The following PLXNB2 variants were observed in gnomAD, a reference collection of about 807,000 sequenced individuals.
The protein encoded by PLXNB2 is plexin-B2.
In PLXNB2, 85 loss-of-function variants were observed where a neutral mutation model predicts 202.6. That is an observed-to-expected ratio of 0.42 (90% CI 0.35 to 0.50). The LOEUF is 0.50. PLXNB2 is among the 20% of genes least tolerant of loss of function. The pLI, the probability that PLXNB2 is intolerant of heterozygous loss-of-function variation, is 0.02. For synonymous variants in PLXNB2, 1,239 were observed against 1,137.6 expected (o/e 1.09, Z -1.79); for missense variants, 2,063 against 2,586.2 (o/e 0.80, Z 4.39).
chr22:50,287,411 G>A, intron 7 of PLXNB2, 147 bp from the exon 8 acceptor site: 1 of 987,658 alleles, frequency 1.0e-6, no homozygotes, highest in Non-Finnish European at 1.4e-6. Flanking sequence ...AGGCCTCTCT[G>A]TGGTCACCCC....
chr22:50,287,295 G>A, intron 7 of PLXNB2, 31 bp from the exon 8 acceptor site: 1 of 1,458,858 alleles, frequency 6.9e-7, no homozygotes, highest in Non-Finnish European at 9.1e-7. Flanking sequence ...CTCACACTGG[G>A]AACCCCGAGT....
At chr22:50,305,081 G>A (rs62241212) in intron 1 of PLXNB2, among the ~76,000 whole-genome samples, 64,450 of 152,126 alleles carry the variant, frequency 0.42, 13,893 homozygotes, top group South Asian at 0.63. Context: ...CTAGCTCAGA[G>A]AAGGCACAAT....
At position 50,289,816 on chromosome 22, in the gene PLXNB2, A is replaced by G; in HGVS notation, c.769T>C (p.Tyr257His). The change falls in exon 3 of 37, where the codon TAC becomes CAC. Residue 257 changes from tyrosine to histidine, a missense_variant. Around this residue, in one of 2 missense-constraint regions of PLXNB2, gnomAD observed 1,303 missense variants for 1,476.8 expected, o/e 0.88. Transcript: ENST00000359337. The surrounding 1 kb of genome is among the most constrained non-coding windows in gnomAD (Gnocchi z 8.0). ...ARMCREDPNY[Y>H]SYLEMDLQCR... ...TGCAGGTCCATCTCCAGGTAGGAGT[A>G]GTAGTTGGGGTCTTCTCTGCACATG... 3 of 1,613,244 alleles carry G rather than the reference A, an allele frequency of 1.9e-6. No individual in the cohort carries two copies. The South Asian group carries it at 3.3e-5, about 18-fold the overall frequency.
In PLXNB2 at chr22:50,282,247, G is replaced by T. The variant is rs201715045; in HGVS notation, c.3054C>A (p.Val1018=). The change falls in exon 19 of 37, where the codon GTC becomes GTA. Residue 1018 remains valine, a synonymous_variant. Transcript: ENST00000359337. The part of the protein sequence containing the change: ...FSLIQRFAMV[V]IAEPLQSWQP... The stretch of plus-strand genomic sequence containing the variant: ...GCCAGGACTGCAGGGGCTCCGCGAT[G>T]ACCACCATGGCAAACCTCTGGATCA... 4.8e-5 allele frequency: 78 copies of T among 1,612,262 alleles called. No individual in the cohort carries two copies. Among genetic ancestry groups the T allele is most frequent in the Non-Finnish European group, 6.5e-5 (77 of 1,179,834 alleles).
chr22:50,286,330 G>T, intron 8 of PLXNB2, 43 bp from the exon 9 acceptor site: 1 of 1,454,140 alleles, frequency 6.9e-7, no homozygotes, highest in Non-Finnish European at 9.6e-7. Context: ...GCGGCCGCAG[G>T]GCCGAGGGCC....
chr22:50,304,631 C>T lies in PLXNB2; in HGVS notation c.-74+2922G>A, dbSNP rs1168989899. Among the ~76,000 whole-genome samples, 6 of 152,184 alleles carry T rather than the reference C, an allele frequency of 3.9e-5. No homozygotes were observed. In the East Asian group the frequency reaches 9.6e-4, roughly 24 times the overall value. ...AGGGAAGCTAGGGCAGCTGCCTCCCCGGGGCCCCAGAGCCTGAGCACCCCC... is the reference window on the plus strand; with the variant it reads ...AGGGAAGCTAGGGCAGCTGCCTCCCTGGGGCCCCAGAGCCTGAGCACCCCC... On this transcript the variant is annotated intron_variant, in intron 1 of 36. Coordinates refer to ENST00000359337, the MANE Select transcript of PLXNB2 (RefSeq NM_012401.4).
At chr22:50,282,589 G>A (rs879276217) in intron 18 of PLXNB2, 122 bp downstream of exon 18, 25 of 781,804 alleles carry the variant, frequency 3.2e-5, no homozygotes, top group African/African-American at 1.1e-4. Flanking sequence ...GGGGTTTTCC[G>A]GAGGCCGCCT....
rs753361944 is a variant in PLXNB2, at chr22:50,289,466, C to T, written c.1068+51G>A. On this transcript the variant is annotated intron_variant, in intron 3 of 36. Coordinates refer to ENST00000359337, the MANE Select transcript of PLXNB2 (RefSeq NM_012401.4). This position sits in a 1 kb window ranked among gnomAD's most constrained non-coding sequence, Gnocchi z 8.0. ...CAGCAGGCTGGGACACGCAAACCCA[C>T]GAACGGACGCCTGCAGTCCGGGCCC... The T allele has an allele frequency of 3.6e-5, 54 of 1,518,312 alleles. No individual in the cohort carries two copies. Among genetic ancestry groups the T allele is most frequent in the Admixed American group, 1.8e-4 (9 of 49,104 alleles). The allele number at this position is 1,518,312 out of a possible 1,614,324, so 94.1% of individuals were successfully genotyped here. A position where few individuals can be genotyped will look rare whatever the true frequency, so the allele number is the denominator to read the frequency against.
At chr22:50,290,643 C>G in intron 2 of PLXNB2, 46 bp from the exon 3 acceptor site, 1 of 1,484,222 alleles carries the variant, frequency 6.7e-7, no homozygotes, top group Non-Finnish European at 8.9e-7. Context: ...CCAGAGGACC[C>G]CCGATCAAAT....
chr22:50,285,857 G>A lies in PLXNB2; in HGVS notation c.2031C>T (p.Ile677=), dbSNP rs767917903. The change falls in exon 11 of 37, where the codon ATC becomes ATT. Residue 677 remains isoleucine, a synonymous_variant. Transcript: ENST00000359337. ...PQFLGPSPLV[I]PMNHETDVNF... is the part of the protein sequence containing the mutation. ...TCACATCTGTCTCGTGGTTCATGGG[G>A]ATCACCAGGGGGCTGGGTCCCAGGA... 2.5e-6 allele frequency: 4 copies of A among 1,612,908 alleles called. No homozygotes were observed. In the East Asian group the frequency reaches 8.9e-5, roughly 36 times the overall value.
At chr22:50,287,410 T>G in intron 7 of PLXNB2, 146 bp from the exon 8 acceptor site, 2 of 975,680 alleles carry the variant, frequency 2.0e-6, no homozygotes, top group Non-Finnish European at 2.9e-6. Context: ...CAGGCCTCTC[T>G]GTGGTCACCC....
At chr22:50,276,102 C>T in intron 35 of PLXNB2, 139 bp from the exon 36 acceptor site, 1 of 716,560 alleles carries the variant, frequency 1.4e-6, no homozygotes, top group East Asian at 2.7e-5. Context: ...CTTGGGGCCC[C>T]CCATGTGGCA....
chr22:50,280,796 T>C lies in PLXNB2; in HGVS notation c.3941A>G (p.Gln1314Arg). 6.2e-7 allele frequency: 1 copy of C among 1,603,694 alleles called. No individual in the cohort carries two copies. Among genetic ancestry groups the C allele is most frequent in the Non-Finnish European group, 8.5e-7 (1 of 1,174,658 alleles). Residue 1314 changes from glutamine (Q) to arginine (R), a missense_variant, in exon 24 of 37, where the codon CAG becomes CGG. Physicochemically the swap from Gln to Arg is conservative, Grantham distance 43 (BLOSUM62 1). Coordinates refer to ENST00000359337, the MANE Select transcript of PLXNB2 (RefSeq NM_012401.4). ...IPEPRRPVVE[Q>R]ALYQFSNLLN... ...CAGGTTGGAGAACTGGTAGAGGGCC[T>C]GCTCCACCACCGGCCGCCGCGGCTC... is the stretch of plus-strand genomic sequence containing the variant.
At chr22:50,294,517 G>T (rs933494440) in intron 2 of PLXNB2, among the ~76,000 whole-genome samples, 1 of 148,604 alleles carries the variant, frequency 6.7e-6, no homozygotes, top group Non-Finnish European at 1.5e-5. Flanking sequence ...AGAACCATGG[G>T]AGCCTCACAG....
chr22:50,282,917 TC>T, intron 17 of PLXNB2, 36 bp from the exon 18 acceptor site: 1 of 1,572,194 alleles, frequency 6.4e-7, no homozygotes, highest in Non-Finnish European at 8.6e-7. Context: ...CATCAACCCC[TC>T]CCCCGGGACC....
At chr22:50,286,329 G>C in intron 8 of PLXNB2, 42 bp from the exon 9 acceptor site, 1 of 1,452,386 alleles carries the variant, frequency 6.9e-7, no homozygotes, top group Non-Finnish European at 9.6e-7. Context: ...GGCGGCCGCA[G>C]GGCCGAGGGC....
chr22:50,283,295 G>T (rs375222551), intron 16 of PLXNB2, 42 bp downstream of exon 16: 6 of 1,607,410 alleles, frequency 3.7e-6, no homozygotes, highest in Non-Finnish European at 5.1e-6. Context: ...CCCTCCTCCC[G>T]GTCCTCCCGG....
At position 50,297,279 on chromosome 22, in the gene PLXNB2, C is replaced by G. The variant is rs1304100606; in HGVS notation, c.-73-2501G>C. On this transcript the variant is annotated intron_variant, in intron 1 of 36. Transcript: ENST00000359337. This position sits in a 1 kb window ranked among gnomAD's most constrained non-coding sequence, Gnocchi z 5.3. ...AGGCTCCAGCCTCCACGGGCCCAGG[C>G]CCCAGGCGTGGGCGGGGGCAGCCAA... 6.6e-6 allele frequency among the ~76,000 whole-genome samples: 1 copy of G among 152,120 alleles called. No individual in the cohort carries two copies. Among genetic ancestry groups the G allele is most frequent in the Non-Finnish European group, 1.5e-5 (1 of 68,020 alleles).
chr22:50,279,048 C>T (rs375177452), intron 27 of PLXNB2, 37 bp from the exon 28 acceptor site: 1 of 1,567,848 alleles, frequency 6.4e-7, no homozygotes, highest in Non-Finnish European at 8.7e-7. Flanking sequence ...AGTGGGAGGC[C>T]CTGCTCTTAC....
Sources: gnomAD v4.1 joint callset for allele counts (sites outside exome capture counted in the v4.1 genomes callset) on GRCh38, gnomAD v4.1.1 for gene constraint, gnomAD v4.1.1 regional missense constraint, Gnocchi (gnomAD v3.1) non-coding constraint, MANE v1.5 for transcripts, NCBI Gene and HGNC (gene_info 2026-07-23, HGNC 2026-07-21) for gene names.